IL1RAPL1: variants seen among roughly 807,000 people sequenced by gnomAD.
The protein encoded by IL1RAPL1 is interleukin 1 receptor accessory protein like 1.
Under a neutral mutation model 48.4 loss-of-function variants are expected in IL1RAPL1, and 3 were observed. The ratio of observed to expected loss-of-function variants is 0.06; its 90% CI spans 0.03 to 0.16. The LOEUF is 0.16. Among genes scored for constraint, IL1RAPL1 ranks in the 10% least tolerant of loss-of-function variants. The pLI is 1.00. For missense variants in IL1RAPL1, 349 were observed against 530.6 expected (o/e 0.66, Z 3.36); for synonymous variants, 185 against 187.7 (o/e 0.99, Z 0.12).
intron 2 of IL1RAPL1, among the ~76,000 whole-genome samples, chrX:29,276,497 T>C (rs1265568105): frequency 8.9e-6 from 1 of 111,901 alleles, no homozygotes; most frequent in Non-Finnish European, 1.9e-5. Flanking sequence ...GTTAAAAATA[T>C]CTACAAACAA....
intron 5 of IL1RAPL1, among the ~76,000 whole-genome samples, chrX:29,629,290 C>T (rs1175645253): frequency 9.0e-6 from 1 of 111,032 alleles, no homozygotes; most frequent in Non-Finnish European, 1.9e-5. Flanking sequence ...ACAGTATCAA[C>T]ACTGAATATA....
chrX:29,825,268 A>G (rs1044972467), intron 6 of IL1RAPL1, among the ~76,000 whole-genome samples: 4 of 111,061 alleles, frequency 3.6e-5, no homozygotes, highest in Non-Finnish European at 5.7e-5. Flanking sequence ...TTTGCTGTCT[A>G]TCGGTGTCCA....
chrX:28,886,177 C>A (rs1922623378), intron 2 of IL1RAPL1, among the ~76,000 whole-genome samples: 1 of 109,633 alleles, frequency 9.1e-6, no homozygotes. Context: ...AATGATCCAA[C>A]TTTGTCTAAA....
At chrX:28,787,242 T>TG (rs1375324308) in intron 1 of IL1RAPL1, among the ~76,000 whole-genome samples, 1 of 112,198 alleles carries the variant, frequency 8.9e-6, no homozygotes, top group Non-Finnish European at 1.9e-5. Flanking sequence ...TGAAAGGTCT[T>TG]GCAGTGTATA....
At chrX:28,882,177 T>TA (rs1347528987) in intron 2 of IL1RAPL1, among the ~76,000 whole-genome samples, 3 of 110,712 alleles carry the variant, frequency 2.7e-5, no homozygotes, top group Non-Finnish European at 3.8e-5. Context: ...ACTATATCTT[T>TA]AAAAAATCAA....
intron 2 of IL1RAPL1, among the ~76,000 whole-genome samples, chrX:28,894,343 G>A (rs958427605): frequency 3.6e-5 from 4 of 111,552 alleles, no homozygotes; most frequent in Admixed American, 9.5e-5. Flanking sequence ...GGTGAGTGGC[G>A]ATTAGGCCTG....
chrX:28,897,225 G>C (rs942176519), intron 2 of IL1RAPL1, among the ~76,000 whole-genome samples: 3 of 110,374 alleles, frequency 2.7e-5, no homozygotes, highest in Admixed American at 1.9e-4. Flanking sequence ...GGGTCGGGGG[G>C]GTTCTTGCCC....
At chrX:29,904,229 A>G (rs1034990837) in intron 6 of IL1RAPL1, among the ~76,000 whole-genome samples, 1 of 111,519 alleles carries the variant, frequency 9.0e-6, no homozygotes, top group African/African-American at 3.3e-5. Flanking sequence ...TGAATCACAT[A>G]CTAGAATTGC....
intron 1 of IL1RAPL1, among the ~76,000 whole-genome samples, chrX:28,762,028 A>G (rs1177290548): frequency 1.8e-5 from 2 of 111,786 alleles, no homozygotes; most frequent in South Asian, 7.5e-4. Flanking sequence ...TTATGTAAAC[A>G]GCTTAGCATA....
chrX:28,774,284 A>G (rs1004649099), intron 1 of IL1RAPL1, among the ~76,000 whole-genome samples: 13 of 111,587 alleles, frequency 1.2e-4, no homozygotes, highest in African/African-American at 4.2e-4. Flanking sequence ...TTAGTTATCT[A>G]TTGCTGCATA....
intron 6 of IL1RAPL1, among the ~76,000 whole-genome samples, chrX:29,790,802 G>A (rs1328125121): frequency 9.0e-6 from 1 of 111,692 alleles, no homozygotes; most frequent in Non-Finnish European, 1.9e-5. Flanking sequence ...ACACAGCAGC[G>A]AAAGCCACTA....
At chrX:29,162,859 G>A (rs1016209269) in intron 2 of IL1RAPL1, among the ~76,000 whole-genome samples, 7 of 109,817 alleles carry the variant, frequency 6.4e-5, no homozygotes, top group Non-Finnish European at 1.1e-4. Flanking sequence ...GGATCATGAG[G>A]TCAGGATTTC....
intron 3 of IL1RAPL1, among the ~76,000 whole-genome samples, chrX:29,323,258 C>T (rs1932815880): frequency 9.0e-6 from 1 of 111,422 alleles, no homozygotes; most frequent in Non-Finnish European, 1.9e-5. Flanking sequence ...TTCTCTATCT[C>T]CATGGCTTAA....
intron 1 of IL1RAPL1, among the ~76,000 whole-genome samples, chrX:28,647,597 G>A (rs1481061042): frequency 8.9e-6 from 1 of 112,469 alleles, no homozygotes; most frequent in Admixed American, 9.4e-5. Flanking sequence ...AGCTTGGTCT[G>A]GGTTATTTCA....
chrX:29,283,068 A>C lies in IL1RAPL1; in HGVS notation c.213A>C (p.Gly71=), dbSNP rs1569276602. ...RTNYSLAQSA[G]LSLMWYKSSG... is the part of the protein sequence containing the mutation. ...ATTACTCCCTTGCCCAAAGTGCTGGACTCAGTTTGATGTGGTACAAAAGTT... is the reference window on the plus strand; with the variant it reads ...ATTACTCCCTTGCCCAAAGTGCTGGCCTCAGTTTGATGTGGTACAAAAGTT... The change falls in exon 3 of 11, where the codon GGA becomes GGC. Residue 71 remains glycine, a synonymous_variant. Transcript: ENST00000378993. 8.3e-7 allele frequency: 1 copy of C among 1,211,451 alleles called. No homozygotes were observed. The highest frequency in any genetic ancestry group is 1.1e-6 in the Non-Finnish European group (1 of 895,459).
chrX:29,862,159 CA>C (rs767446668), intron 6 of IL1RAPL1, among the ~76,000 whole-genome samples: 5,294 of 74,676 alleles, frequency 0.071, 300 homozygotes, highest in African/African-American at 0.2. Flanking sequence ...GACCCTGTCT[CA>C]AAAAAAAAAA....
At chrX:29,807,699 A>G (rs1337778010) in intron 6 of IL1RAPL1, among the ~76,000 whole-genome samples, 7 of 109,548 alleles carry the variant, frequency 6.4e-5, no homozygotes, top group African/African-American at 1.7e-4. Flanking sequence ...TGCATTAAAT[A>G]GAAAACATTT....
At chrX:29,766,185 G>A (rs981617595) in intron 6 of IL1RAPL1, among the ~76,000 whole-genome samples, 4 of 104,831 alleles carry the variant, frequency 3.8e-5, no homozygotes, top group South Asian at 4.4e-4. Context: ...AAAATTAGCC[G>A]GGCATGGTGG....
chrX:28,955,120 G>A (rs191095568), intron 2 of IL1RAPL1, among the ~76,000 whole-genome samples: 1 of 111,369 alleles, frequency 9.0e-6, no homozygotes, highest in East Asian at 2.8e-4. Context: ...TGGGTGCACT[G>A]GAAATAAATT....
Sources: allele counts gnomAD v4.1 joint callset (sites outside exome capture counted in the v4.1 genomes callset), GRCh38; gene constraint gnomAD v4.1.1; transcripts MANE v1.5; gene names NCBI Gene and HGNC (gene_info 2026-07-23, HGNC 2026-07-21).